Variants in AGAP1 observed in about 807,000 individuals in gnomAD.
AGAP1 encodes the protein arf-GAP with GTPase, ANK repeat and PH domain-containing protein 1.
AGAP1 carries 29 observed loss-of-function variants against 105.3 expected under a neutral mutation model. The ratio of observed to expected loss-of-function variants is 0.28; its 90% CI spans 0.21 to 0.38. The LOEUF is 0.38. Among genes scored for constraint, AGAP1 ranks in the 10% least tolerant of loss-of-function variants. The probability of loss-of-function intolerance (pLI) is 1.00; values close to 1 mark genes in which losing one functional copy is unlikely to be tolerated. For missense variants in AGAP1, 998 were observed against 1,165.1 expected (o/e 0.86, Z 2.09); for synonymous variants, 509 against 485.9 (o/e 1.05, Z -0.63).
At chr2:236,037,685 G>A (rs1305084491) in intron 14 of AGAP1, among the ~76,000 whole-genome samples, 1 of 152,226 alleles carries the variant, frequency 6.6e-6, no homozygotes, top group Non-Finnish European at 1.5e-5. Context: ...TGGGATTACA[G>A]GCATGAGCTA....
intron 1 of AGAP1, among the ~76,000 whole-genome samples, chr2:235,588,228 CA>C (rs34739482): frequency 1.2e-3 from 162 of 131,468 alleles, no homozygotes; most frequent in East Asian, 2.0e-3. Context: ...GACTCCGTCT[CA>C]AAAAAAAAAA....
chr2:235,768,840 A>G (rs36085740), intron 6 of AGAP1, among the ~76,000 whole-genome samples: 1,591 of 152,302 alleles, frequency 0.01, 15 homozygotes, highest in Non-Finnish European at 0.018. Context: ...GCCAGGCCCC[A>G]GTTTGGCCAG....
chr2:235,686,614 G>GATATATATATATATATAT (rs1380519556), intron 1 of AGAP1, among the ~76,000 whole-genome samples: 1 of 37,928 alleles, frequency 2.6e-5, no homozygotes, highest in Non-Finnish European at 5.1e-5. Context: ...TATACGTGGA[G>GATATATATATATATATAT]ATATAGATAT....
At chr2:235,696,347 G>T (rs766103105) in intron 1 of AGAP1, among the ~76,000 whole-genome samples, 15 of 152,208 alleles carry the variant, frequency 9.9e-5, no homozygotes, top group Non-Finnish European at 1.9e-4. Flanking sequence ...CCCCCAGCCT[G>T]TTTACCAATT....
intron 9 of AGAP1, among the ~76,000 whole-genome samples, chr2:235,826,577 G>T (rs1959081117): frequency 6.6e-6 from 1 of 151,964 alleles, no homozygotes; most frequent in Non-Finnish European, 1.5e-5. Context: ...AGCCTCCCAA[G>T]TAGCTGGGAT....
chr2:236,086,450 G>A (rs764061250), intron 16 of AGAP1, among the ~76,000 whole-genome samples: 11 of 152,196 alleles, frequency 7.2e-5, no homozygotes, highest in Non-Finnish European at 1.2e-4. Context: ...ATTATTTTAT[G>A]TAATTTTAAA....
chr2:236,056,652 C>T lies in AGAP1; in HGVS notation c.2114+7371C>T, dbSNP rs2058059316. 6.6e-6 allele frequency among the ~76,000 whole-genome samples: 1 copy of T among 152,174 alleles called. No individual in the cohort carries two copies. Among genetic ancestry groups the T allele is most frequent in the South Asian group, 2.1e-4 (1 of 4,826 alleles). ...GGCCCTGTCTTTCAGTCGTGTTTTG[C>T]TTATTTTGCACCAGAGACTCTCTGT... On this transcript the variant is annotated intron_variant, in intron 16 of 17. Coordinates refer to ENST00000304032, the MANE Select transcript of AGAP1 (RefSeq NM_001037131.3). The surrounding 1 kb of genome is among the most constrained non-coding windows in gnomAD (Gnocchi z 4.6).
Position 235,550,283 on chromosome 2 carries a change from G to A in AGAP1, c.163+55434G>A, listed in dbSNP as rs535903612. Among the ~76,000 whole-genome samples, 3 of 152,272 alleles carry A rather than the reference G, an allele frequency of 2.0e-5. No homozygotes were observed. Among genetic ancestry groups the A allele is most frequent in the African/African-American group, 7.2e-5 (3 of 41,562 alleles). Reference sequence around the variant, plus strand: ...ACTGGCGAGGAGGGCACGTCCCCACGTTCATGCCCTGTACTAGGGTCCCCT... The same window carrying A: ...ACTGGCGAGGAGGGCACGTCCCCACATTCATGCCCTGTACTAGGGTCCCCT... On this transcript the variant is annotated intron_variant, in intron 1 of 17. Coordinates refer to ENST00000304032, the MANE Select transcript of AGAP1 (RefSeq NM_001037131.3). This position sits in a 1 kb window ranked among gnomAD's most constrained non-coding sequence, Gnocchi z 4.6.
In AGAP1 at chr2:235,931,957, C is replaced by T. The variant is rs59053279; in HGVS notation, c.1483+1034C>T. On this transcript the variant is annotated intron_variant, in intron 12 of 17. Coordinates refer to ENST00000304032, the MANE Select transcript of AGAP1 (RefSeq NM_001037131.3). This position sits in a 1 kb window ranked among gnomAD's most constrained non-coding sequence, Gnocchi z 5.6. ...CCCGGCTGGCCCATTCCCATCCCAG[C>T]GCCAGGGCTTGCTCCTTCCCTCAAA... Among the ~76,000 whole-genome samples, 1 of 152,162 alleles carries T rather than the reference C, an allele frequency of 6.6e-6. No individual in the cohort carries two copies. Among genetic ancestry groups the T allele is most frequent in the East Asian group, 1.9e-4 (1 of 5,164 alleles).
chr2:235,853,896 CATTCAT>C (rs974201011), intron 9 of AGAP1, among the ~76,000 whole-genome samples: 9 of 151,914 alleles, frequency 5.9e-5, no homozygotes, highest in African/African-American at 2.2e-4. Flanking sequence ...AGTCCCTAGT[CATTCAT>C]TGCAGACTTG....
At chr2:235,670,752 G>A in intron 1 of AGAP1, 1 of 1,028,592 alleles carries the variant, frequency 9.7e-7, no homozygotes. Context: ...GAGGTGCTCA[G>A]CAAGAACGAC....
intron 1 of AGAP1, among the ~76,000 whole-genome samples, chr2:235,704,980 T>C (rs1172049404): frequency 7.6e-6 from 1 of 131,074 alleles, no homozygotes; most frequent in African/African-American, 2.9e-5. Flanking sequence ...TTTTTTTTTT[T>C]TTTTTTTTTT....
chr2:235,812,633 A>G (rs1003454845), intron 9 of AGAP1, among the ~76,000 whole-genome samples: 8 of 152,218 alleles, frequency 5.3e-5, no homozygotes, highest in Non-Finnish European at 1.0e-4. Flanking sequence ...TTCATGGAGG[A>G]AACAAATGTG....
chr2:235,629,497 C>T (rs1490224964), intron 1 of AGAP1, among the ~76,000 whole-genome samples: 1 of 151,988 alleles, frequency 6.6e-6, no homozygotes, highest in Non-Finnish European at 1.5e-5. Flanking sequence ...ACATGAAAAT[C>T]AGCAGGTGAG....
rs1395050496 is a variant in AGAP1, at chr2:235,737,649, C to T, written c.311-3314C>T. ...GGAGAGGATGGACGTGAAATCCGTC[C>T]TATGCATGCTCACCTGACATGCAAC... On this transcript the variant is annotated intron_variant, in intron 3 of 17. Transcript: ENST00000304032. This position sits in a 1 kb window ranked among gnomAD's most constrained non-coding sequence, Gnocchi z 4.5. Among the ~76,000 whole-genome samples, 1 of 152,174 alleles carries T rather than the reference C, an allele frequency of 6.6e-6. No homozygotes were observed. Among genetic ancestry groups the T allele is most frequent in the Non-Finnish European group, 1.5e-5 (1 of 68,030 alleles).
At chr2:235,997,399 T>C (rs2055865192) in intron 13 of AGAP1, among the ~76,000 whole-genome samples, 1 of 152,224 alleles carries the variant, frequency 6.6e-6, no homozygotes, top group Admixed American at 6.5e-5. Context: ...ATGAAGATCT[T>C]TTAAAATATA....
At chr2:236,043,964 G>C (rs776874423) in intron 15 of AGAP1, among the ~76,000 whole-genome samples, 2 of 152,108 alleles carry the variant, frequency 1.3e-5, no homozygotes, top group Non-Finnish European at 2.9e-5. Context: ...TGTGGTAACA[G>C]CTCCCTGACC....
rs71064869 is a variant in AGAP1 at position 235,682,797 on chromosome 2, C to CGTGTGTGTGTGTGTGT, written c.164-26375_164-26360dup. 2.7e-3 allele frequency among the ~76,000 whole-genome samples: 397 copies of CGTGTGTGTGTGTGTGT among 149,564 alleles called. 3 individuals are homozygous for CGTGTGTGTGTGTGTGT. The highest frequency in any genetic ancestry group is 8.8e-3 in the African/African-American group (354 of 40,306). On this transcript the variant is annotated intron_variant, in intron 1 of 17. Coordinates refer to ENST00000304032, the MANE Select transcript of AGAP1 (RefSeq NM_001037131.3). ...AACTCGATGTGTGGGTGTGTGCACA[C>CGTGTGTGTGTGTGTGT]GTGTGTGTGTGTGTGTGTGTGTTTT...
intron 1 of AGAP1, among the ~76,000 whole-genome samples, chr2:235,656,752 G>A (rs12988203): frequency 0.14 from 21,391 of 152,142 alleles, 1,968 homozygotes; most frequent in East Asian, 0.31. Context: ...GCACCCTTCT[G>A]TAGAAGTAAC....
Sources: allele counts gnomAD v4.1 joint callset (sites outside exome capture counted in the v4.1 genomes callset), GRCh38; gene constraint gnomAD v4.1.1; non-coding constraint Gnocchi (gnomAD v3.1); transcripts MANE v1.5; gene names NCBI Gene and HGNC (gene_info 2026-07-23, HGNC 2026-07-21).